The following LHX8 variants were observed in gnomAD, a reference collection of about 807,000 sequenced individuals.
The protein encoded by LHX8 is LIM homeobox 8.
A neutral mutation model predicts 40.3 loss-of-function variants in LHX8; 12 were observed. The observed-to-expected ratio is 0.30, with a 90% CI of 0.19 to 0.48. The LOEUF is 0.48. Among genes scored for constraint, LHX8 ranks in the 20% least tolerant of loss-of-function variants. The pLI is 0.99. For synonymous variants in LHX8, 179 were observed against 162.0 expected (o/e 1.10, Z -0.80); for missense variants, 344 against 433.7 (o/e 0.79, Z 1.84).
the LHX8 span, among the ~76,000 whole-genome samples, chr1:75,174,579 G>A: frequency 1.3e-5 from 2 of 152,102 alleles, no homozygotes; most frequent in Admixed American, 1.3e-4. Context: ...AAGTTCTGGA[G>A]GCTAGAACCA....
the LHX8 span, among the ~76,000 whole-genome samples, chr1:75,188,192 T>C: frequency 6.6e-6 from 1 of 152,170 alleles, no homozygotes; most frequent in Non-Finnish European, 1.5e-5. Context: ...GCTTTTTTTT[T>C]CATGTTAAGT....
intron 6 of LHX8, among the ~76,000 whole-genome samples, chr1:75,147,034 C>T (rs982860197): frequency 6.6e-6 from 1 of 152,128 alleles, no homozygotes; most frequent in Non-Finnish European, 1.5e-5. Context: ...ACATGTTCAA[C>T]TGCATAGAAA....
At chr1:75,191,802 T>C in the LHX8 span, among the ~76,000 whole-genome samples, 14 of 152,218 alleles carry the variant, frequency 9.2e-5, no homozygotes, top group Non-Finnish European at 8.8e-5. Flanking sequence ...CAGAAGCCAG[T>C]GTTAGATCAA....
At chr1:75,138,305 T>C (rs1224357915) in intron 3 of LHX8, among the ~76,000 whole-genome samples, 1 of 152,202 alleles carries the variant, frequency 6.6e-6, no homozygotes, top group Non-Finnish European at 1.5e-5. Context: ...AAGGATTAAT[T>C]ATGGAGAGTA....
At chr1:75,143,744 T>C (rs1024995021) in intron 5 of LHX8, 101 bp from the exon 6 acceptor site, 69 of 857,064 alleles carry the variant, frequency 8.1e-5, no homozygotes, top group Non-Finnish European at 1.1e-4. Context: ...AGAAAACATA[T>C]ACAGTTACAC....
At chr1:75,178,684 C>G in the LHX8 span, among the ~76,000 whole-genome samples, 19 of 152,278 alleles carry the variant, frequency 1.2e-4, no homozygotes, top group South Asian at 3.7e-3. Flanking sequence ...CAGTTCTGCT[C>G]TGATCTTAGT....
intron 7 of LHX8, among the ~76,000 whole-genome samples, chr1:75,152,743 C>T (rs1010503467): frequency 6.6e-6 from 1 of 152,140 alleles, no homozygotes; most frequent in Non-Finnish European, 1.5e-5. Flanking sequence ...CTTTATTCTG[C>T]CAGGAGCTAC....
the LHX8 span, among the ~76,000 whole-genome samples, chr1:75,176,569 A>G: frequency 6.6e-6 from 1 of 152,154 alleles, no homozygotes; most frequent in African/African-American, 2.4e-5. Flanking sequence ...GATTCTGGAT[A>G]TTAGCCCTTT....
chr1:75,171,825 C>A, the LHX8 span, among the ~76,000 whole-genome samples: 2 of 152,132 alleles, frequency 1.3e-5, no homozygotes, highest in South Asian at 2.1e-4. Context: ...GTAACAATGG[C>A]CATCTTAAAG....
At chr1:75,137,021 T>A (rs1160638536) in intron 2 of LHX8, 79 bp from the exon 3 acceptor site, 1 of 978,746 alleles carries the variant, frequency 1.0e-6, no homozygotes, top group African/African-American at 4.1e-5. Context: ...GGGGAGGCGG[T>A]GGGGGCGCCC....
chr1:75,179,511 T>TG, the LHX8 span, among the ~76,000 whole-genome samples: 2 of 149,786 alleles, frequency 1.3e-5, no homozygotes, highest in African/African-American at 2.4e-5. Flanking sequence ...TGTTTTTTTT[T>TG]TTTTTTTTTT....
downstream of LHX8, among the ~76,000 whole-genome samples, chr1:75,164,049 A>G (rs1459346884): frequency 2.0e-5 from 3 of 152,192 alleles, no homozygotes; most frequent in African/African-American, 7.2e-5. Flanking sequence ...ACCCTGTCTG[A>G]TATTTTGTTA....
rs1031372468 is a variant in LHX8 at position 75,137,148 on chromosome 1, C to T, written c.124C>T (p.Pro42Ser). Residue 42 changes from proline (P) to serine (S), a missense_variant, in exon 3 of 9, where the codon CCG (proline) becomes TCG (serine). Transcript: ENST00000356261. ...CGAGGACTCGTGCTCCTCCTCGGCCCCGCTGTCCCCGTCGTCCTCGCCCCG... is the reference window on the plus strand; with the variant it reads ...CGAGGACTCGTGCTCCTCCTCGGCCTCGCTGTCCCCGTCGTCCTCGCCCCG... ...GDEDSCSSSA[P>S]LSPSSSPRSM... 1.9e-5 allele frequency: 30 copies of T among 1,612,632 alleles called. No individual in the cohort carries two copies. Among genetic ancestry groups the T allele is most frequent in the Non-Finnish European group, 2.3e-5 (27 of 1,179,508 alleles).
chr1:75,135,428 G>C (rs902723107), intron 1 of LHX8, among the ~76,000 whole-genome samples: 1 of 152,250 alleles, frequency 6.6e-6, no homozygotes, highest in Non-Finnish European at 1.5e-5. Flanking sequence ...CTTTGTGTGT[G>C]AGGACGCGGC....
upstream of LHX8, among the ~76,000 whole-genome samples, chr1:75,133,873 C>T (rs12077796): frequency 6.6e-6 from 1 of 152,142 alleles, no homozygotes; most frequent in Non-Finnish European, 1.5e-5. Context: ...TTGTGTTGCT[C>T]AGATGTTCCT....
chr1:75,151,710 A>G (rs1441797456), intron 7 of LHX8, among the ~76,000 whole-genome samples: 1 of 152,318 alleles, frequency 6.6e-6, no homozygotes, highest in South Asian at 2.1e-4. Flanking sequence ...AGTTCCTTCT[A>G]ATTTAAGACT....
At position 75,140,875 on chromosome 1, in the gene LHX8, G is replaced by C; in HGVS notation, c.238-110G>C. ...GACATCTTTTGGATGAAAACATTCA[G>C]AGCATGTGTTAATATATTAAGGGGC... is the stretch of plus-strand genomic sequence containing the variant. On this transcript the variant is annotated intron_variant, in intron 3 of 8. Coordinates refer to ENST00000356261, the MANE Select transcript of LHX8 (RefSeq NM_001256114.2). 5.1e-6 allele frequency: 5 copies of C among 988,646 alleles called. No homozygotes were observed. The South Asian group carries it at 6.6e-5, about 13-fold the overall frequency. The allele number at this position is 988,646 out of a possible 1,614,324, so 61.2% of individuals were successfully genotyped here.
chr1:75,185,125 C>A, the LHX8 span, among the ~76,000 whole-genome samples: 7,626 of 148,334 alleles, frequency 0.051, 207 homozygotes, highest in Middle Eastern at 0.099. Flanking sequence ...GCCTACTAGC[C>A]AAAAAAAAAG....
the LHX8 span, among the ~76,000 whole-genome samples, chr1:75,195,203 T>G: frequency 6.6e-6 from 1 of 152,314 alleles, no homozygotes; most frequent in East Asian, 1.9e-4. Flanking sequence ...AATTTTCACA[T>G]TACCCAAATT....
Sources: gnomAD v4.1 joint callset for allele counts (sites outside exome capture counted in the v4.1 genomes callset) on GRCh38, gnomAD v4.1.1 for gene constraint, MANE v1.5 for transcripts, NCBI Gene and HGNC (gene_info 2026-07-23, HGNC 2026-07-21) for gene names.